BANP: variants seen among roughly 807,000 people sequenced by gnomAD.
BANP encodes the protein BTG3 associated nuclear protein, also known as protein BANP.
BANP carries 11 observed loss-of-function variants against 68.1 expected under a neutral mutation model. The ratio of observed to expected loss-of-function variants is 0.16; its 90% CI spans 0.10 to 0.27. BANP has a LOEUF of 0.27. Ranked by LOEUF, BANP falls within the 10% of genes least tolerant of loss-of-function variation. The probability of loss-of-function intolerance (pLI) is 1.00; values close to 1 mark genes in which losing one functional copy is unlikely to be tolerated. For synonymous variants in BANP, 329 were observed against 303.2 expected, an observed-to-expected ratio of 1.09 and a Z score of -0.88; for missense variants, 504 against 722.7, an observed-to-expected ratio of 0.70 and a Z score of 3.47.
intron 5 of BANP, among the ~76,000 whole-genome samples, chr16:88,005,685 A>G (rs2070818306): frequency 6.6e-6 from 1 of 152,204 alleles, no homozygotes. Context: ...CAGCGAGCCC[A>G]GCAGCGTGGA....
intron 7 of BANP, among the ~76,000 whole-genome samples, chr16:88,026,969 C>T (rs2077120708): frequency 6.6e-6 from 1 of 152,194 alleles, no homozygotes; most frequent in African/African-American, 2.4e-5. Flanking sequence ...GCGGGAGGGC[C>T]AGGTGGTTAT....
chr16:88,020,953 A>T (rs2075917899), intron 7 of BANP, among the ~76,000 whole-genome samples: 1 of 152,120 alleles, frequency 6.6e-6, no homozygotes, highest in East Asian at 1.9e-4. Flanking sequence ...GTATTCAGGG[A>T]GTCCATGTAG....
At chr16:87,959,712 C>T (rs1166866490) in intron 1 of BANP, among the ~76,000 whole-genome samples, 2 of 151,884 alleles carry the variant, frequency 1.3e-5, no homozygotes, top group African/African-American at 4.8e-5. Flanking sequence ...GCGATGCCAC[C>T]CTTCGGAGCG....
At position 88,039,480 on chromosome 16, in the gene BANP, G is replaced by A. The variant is rs189197433; in HGVS notation, c.1311+1469G>A. On this transcript the variant is annotated intron_variant, in intron 11 of 13. Coordinates refer to ENST00000682872, the MANE Select transcript of BANP (RefSeq NM_001386991.1). ...CTGGTAGTGGAACTGTATCATAGTT[G>A]AAACGCTGCTGGACGTTTAATTCCT... is the stretch of plus-strand genomic sequence containing the variant. Among the ~76,000 whole-genome samples the A allele has an allele frequency of 2.1e-5, 3 of 145,286 alleles. No homozygotes were observed. In the Admixed American group the frequency reaches 2.1e-4, roughly 10 times the overall value.
At chr16:88,037,890 A>G in intron 10 of BANP, 83 bp from the exon 11 acceptor site, 2 of 1,365,784 alleles carry the variant, frequency 1.5e-6, no homozygotes, top group Non-Finnish European at 2.1e-6. Context: ...GTGGCCTGTG[A>G]TGTGTCTTGG....
chr16:87,997,631 A>G (rs967292562), intron 4 of BANP, among the ~76,000 whole-genome samples: 5 of 149,192 alleles, frequency 3.4e-5, no homozygotes, highest in Non-Finnish European at 7.4e-5. Flanking sequence ...CCATGTCTTC[A>G]TGGTAAAGTG....
chr16:88,052,718 C>G (rs1336060023), intron 11 of BANP, among the ~76,000 whole-genome samples: 1 of 151,888 alleles, frequency 6.6e-6, no homozygotes, highest in East Asian at 1.9e-4. Flanking sequence ...ATCATCATCA[C>G]CAACCCAACC....
chr16:88,020,147 G>A lies in BANP; in HGVS notation c.895+1480G>A, dbSNP rs189956870. On this transcript the variant is annotated intron_variant, in intron 7 of 13. Coordinates refer to ENST00000682872, the MANE Select transcript of BANP (RefSeq NM_001386991.1). ...AAGAGGATCAGAGGGTCATGGGGCA[G>A]GGGTCACCCTCAGCCTTCTTCTGAA... Among the ~76,000 whole-genome samples the A allele has an allele frequency of 5.3e-5, 8 of 152,368 alleles. No homozygotes were observed. The East Asian group carries it at 1.2e-3, about 22-fold the overall frequency.
intron 4 of BANP, among the ~76,000 whole-genome samples, chr16:87,986,046 T>C (rs2064335778): frequency 6.6e-6 from 1 of 152,192 alleles, no homozygotes; most frequent in African/African-American, 2.4e-5. Flanking sequence ...TGGGTGAGAC[T>C]GTCTCACTCA....
intron 1 of BANP, among the ~76,000 whole-genome samples, chr16:87,969,781 C>T (rs185935068): frequency 6.6e-6 from 1 of 152,276 alleles, no homozygotes; most frequent in East Asian, 1.9e-4. Context: ...ATCCACCCAC[C>T]TTAGCCTCCC....
chr16:88,055,333 C>T (rs531835549), intron 11 of BANP, among the ~76,000 whole-genome samples: 5 of 151,936 alleles, frequency 3.3e-5, no homozygotes, highest in South Asian at 2.1e-4. Context: ...GTACACATGA[C>T]GCGTGTACAT....
chr16:88,076,004 C>G (rs1473854663), intron 13 of BANP, among the ~76,000 whole-genome samples: 2 of 152,158 alleles, frequency 1.3e-5, no homozygotes, highest in African/African-American at 4.8e-5. Flanking sequence ...CCTCAGCCTC[C>G]CAAAGCCCTG....
chr16:88,068,491 TG>T (rs1014171551), intron 12 of BANP, among the ~76,000 whole-genome samples: 6 of 152,186 alleles, frequency 3.9e-5, no homozygotes, highest in African/African-American at 7.2e-5. Flanking sequence ...GAGACACCTC[TG>T]GGACAGCCCC....
At chr16:88,061,083 C>T (rs952263379) in intron 11 of BANP, among the ~76,000 whole-genome samples, 4 of 152,188 alleles carry the variant, frequency 2.6e-5, no homozygotes, top group African/African-American at 9.6e-5. Flanking sequence ...ACTTCCCTTC[C>T]TTCGAGTTTT....
intron 6 of BANP, among the ~76,000 whole-genome samples, chr16:88,006,949 A>G (rs925282984): frequency 8.8e-5 from 2 of 22,790 alleles, no homozygotes; most frequent in African/African-American, 1.6e-4. Context: ...CTCTGTCTCA[A>G]AAAAAAAAAA....
rs534702330 is a variant in BANP, at chr16:88,061,566, T to C, written c.1312-3701T>C. Among the ~76,000 whole-genome samples, 35 of 152,370 alleles carry C rather than the reference T, an allele frequency of 2.3e-4. No homozygotes were observed. In the East Asian group the frequency reaches 2.9e-3, roughly 13 times the overall value. ...GGGTTTAAAGGCTTAAGAATGAGGA[T>C]GTGGCCTTTCGGCATTTCTTGTAGG... On this transcript the variant is annotated intron_variant, in intron 11 of 13. Coordinates refer to ENST00000682872, the MANE Select transcript of BANP (RefSeq NM_001386991.1).
At chr16:87,975,216 T>C (rs1261248147) in intron 2 of BANP, 31 bp downstream of exon 2, 1 of 1,606,724 alleles carries the variant, frequency 6.2e-7, no homozygotes, top group East Asian at 2.2e-5. Flanking sequence ...AGGTGAAATA[T>C]TATTCTCTTT....
intron 4 of BANP, among the ~76,000 whole-genome samples, chr16:87,999,193 C>G (rs77523975): frequency 2.1e-5 from 3 of 141,490 alleles, no homozygotes; most frequent in African/African-American, 5.4e-5. Flanking sequence ...CGCACGTGCG[C>G]GGCTGTACTT....
rs564356738 is a variant in BANP at position 88,018,275 on chromosome 16, G to A, written c.656-153G>A. Among the ~76,000 whole-genome samples the A allele has an allele frequency of 1.3e-5, 2 of 152,268 alleles. No individual in the cohort carries two copies. The highest frequency in any genetic ancestry group is 6.5e-5 in the Admixed American group (1 of 15,300). ...TCTTGGGCAGCAGTCGGAGGCTCCA[G>A]CGCTCTTGGTGACTGCCTCACAAGT... On this transcript the variant is annotated intron_variant, in intron 6 of 13. Transcript: ENST00000682872. This position sits in a 1 kb window ranked among gnomAD's most constrained non-coding sequence, Gnocchi z 7.7.
Sources: allele counts gnomAD v4.1 joint callset (sites outside exome capture counted in the v4.1 genomes callset), GRCh38; gene constraint gnomAD v4.1.1; non-coding constraint Gnocchi (gnomAD v3.1); transcripts MANE v1.5; gene names NCBI Gene and HGNC (gene_info 2026-07-23, HGNC 2026-07-21).